The following INSYN2B variants were observed in gnomAD, a reference collection of about 807,000 sequenced individuals.
INSYN2B encodes inhibitory synaptic factor family member 2B, also known as protein INSYN2B.
A neutral mutation model predicts 41.2 loss-of-function variants in INSYN2B; 16 were observed. That is an observed-to-expected ratio of 0.39 (90% CI 0.26 to 0.59). The LOEUF is 0.59. Ranked by LOEUF, INSYN2B falls within the 20% of genes least tolerant of loss-of-function variation. INSYN2B has a pLI of 0.57. For missense variants in INSYN2B, 608 were observed against 646.4 expected, an observed-to-expected ratio of 0.94 and a Z score of 0.64; for synonymous variants, 245 against 244.4, an observed-to-expected ratio of 1.00 and a Z score of -0.02.
intron 3 of INSYN2B, chr5:169,875,486 A>C: frequency 3.0e-6 from 1 of 331,970 alleles, no homozygotes; most frequent in Non-Finnish European, 6.0e-6. Context: ...TGGCATCTGG[A>C]AGGCAGCATG....
intron 1 of INSYN2B, among the ~76,000 whole-genome samples, chr5:169,924,418 A>G (rs544807565): frequency 3.3e-4 from 50 of 152,260 alleles, no homozygotes; most frequent in African/African-American, 1.2e-3. Flanking sequence ...ACTTCCTCCA[A>G]CCATCCTGTC....
At chr5:169,978,386 T>TGGGGGGGGG (rs1561863630) in intron 1 of INSYN2B, among the ~76,000 whole-genome samples, 3 of 16,716 alleles carry the variant, frequency 1.8e-4, no homozygotes, top group South Asian at 2.7e-3. Context: ...TGTGTGTGTG[T>TGGGGGGGGG]GTGTGTGGGG....
chr5:169,958,911 G>A (rs1192175434), intron 1 of INSYN2B, among the ~76,000 whole-genome samples: 2 of 152,178 alleles, frequency 1.3e-5, no homozygotes, highest in African/African-American at 4.8e-5. Context: ...CAAAGACAAT[G>A]TGTTTTATCA....
chr5:169,948,233 G>A (rs535249153), intron 1 of INSYN2B, among the ~76,000 whole-genome samples: 1 of 152,308 alleles, frequency 6.6e-6, no homozygotes, highest in Admixed American at 6.5e-5. Flanking sequence ...GTGGGGAACA[G>A]TGCAGATGAA....
At chr5:169,908,462 G>A (rs997878782) in intron 1 of INSYN2B, among the ~76,000 whole-genome samples, 1 of 152,044 alleles carries the variant, frequency 6.6e-6, no homozygotes, top group Non-Finnish European at 1.5e-5. Flanking sequence ...TCTGAATATG[G>A]CCCCCAAGTT....
chr5:169,969,981 T>G (rs1365692146), intron 1 of INSYN2B, among the ~76,000 whole-genome samples: 1 of 152,258 alleles, frequency 6.6e-6, no homozygotes, highest in Non-Finnish European at 1.5e-5. Context: ...ATGATGCTGG[T>G]CAAACCAAGC....
chr5:169,908,256 G>A (rs564644073), intron 1 of INSYN2B, among the ~76,000 whole-genome samples: 1 of 152,020 alleles, frequency 6.6e-6, no homozygotes, highest in Admixed American at 6.6e-5. Flanking sequence ...TCCCTTGGTG[G>A]CAACTAGATT....
intron 1 of INSYN2B, among the ~76,000 whole-genome samples, chr5:169,975,274 T>C (rs1196575179): frequency 1.3e-5 from 2 of 152,204 alleles, no homozygotes; most frequent in Non-Finnish European, 2.9e-5. Context: ...GCCTTGGAGA[T>C]GGGCTGGTGT....
intron 1 of INSYN2B, among the ~76,000 whole-genome samples, chr5:169,948,814 C>T (rs1776546846): frequency 6.6e-6 from 1 of 151,938 alleles, no homozygotes; most frequent in Non-Finnish European, 1.5e-5. Flanking sequence ...GGGCCAGTTC[C>T]TCAGGATGGT....
At chr5:169,897,600 A>G (rs1316905738) in intron 1 of INSYN2B, among the ~76,000 whole-genome samples, 1 of 152,222 alleles carries the variant, frequency 6.6e-6, no homozygotes. Flanking sequence ...TAATATTTCC[A>G]GAGACAGAAC....
chr5:169,931,044 G>A (rs1227629935), intron 1 of INSYN2B, among the ~76,000 whole-genome samples: 1 of 152,176 alleles, frequency 6.6e-6, no homozygotes, highest in Non-Finnish European at 1.5e-5. Flanking sequence ...GTGGATTTGT[G>A]GGAAGTTGTT....
intron 1 of INSYN2B, among the ~76,000 whole-genome samples, chr5:169,901,226 A>G (rs1773904369): frequency 6.6e-6 from 1 of 152,168 alleles, no homozygotes; most frequent in African/African-American, 2.4e-5. Flanking sequence ...CATTGTGCAC[A>G]CTGGCTCTGA....
chr5:169,907,447 A>C (rs1187483133), intron 1 of INSYN2B, among the ~76,000 whole-genome samples: 1 of 152,202 alleles, frequency 6.6e-6, no homozygotes, highest in East Asian at 1.9e-4. Flanking sequence ...GCAGAGAAGC[A>C]GCTAAAATCT....
intron 1 of INSYN2B, among the ~76,000 whole-genome samples, chr5:169,940,466 G>T (rs979631125): frequency 6.6e-6 from 1 of 152,134 alleles, no homozygotes; most frequent in Admixed American, 6.5e-5. Flanking sequence ...CATTTATTGT[G>T]CACTTTATTT....
intron 1 of INSYN2B, among the ~76,000 whole-genome samples, chr5:169,953,119 C>T (rs1324667974): frequency 6.6e-6 from 1 of 152,032 alleles, no homozygotes; most frequent in African/African-American, 2.4e-5. Context: ...GTCAGGAGTT[C>T]AAGACCAGCC....
At chr5:169,935,522 G>T (rs536263817) in intron 1 of INSYN2B, among the ~76,000 whole-genome samples, 2 of 152,132 alleles carry the variant, frequency 1.3e-5, no homozygotes, top group Non-Finnish European at 2.9e-5. Context: ...GCAGCCATTC[G>T]GATATCAGGT....
chr5:169,903,507 G>C (rs1774074429), intron 1 of INSYN2B, among the ~76,000 whole-genome samples: 1 of 149,876 alleles, frequency 6.7e-6, no homozygotes, highest in African/African-American at 2.5e-5. Flanking sequence ...GAGCTTGGAA[G>C]AGAGTAGGAG....
intron 1 of INSYN2B, among the ~76,000 whole-genome samples, chr5:169,939,199 C>T (rs995557768): frequency 1.1e-4 from 16 of 144,222 alleles, no homozygotes; most frequent in South Asian, 2.2e-4. Flanking sequence ...CCACTGTGCC[C>T]GGCCTTTTTT....
chr5:169,948,613 A>T (rs1220637026), intron 1 of INSYN2B, among the ~76,000 whole-genome samples: 1 of 135,948 alleles, frequency 7.4e-6, no homozygotes, highest in South Asian at 2.5e-4. Flanking sequence ...TCCACAATTA[A>T]TTTTTTTTTT....
Sources: gnomAD v4.1 joint callset for allele counts (sites outside exome capture counted in the v4.1 genomes callset) on GRCh38, gnomAD v4.1.1 for gene constraint, MANE v1.5 for transcripts, NCBI Gene and HGNC (gene_info 2026-07-23, HGNC 2026-07-21) for gene names.